C4orf33: variants seen among roughly 807,000 people sequenced by gnomAD.
The protein encoded by C4orf33 is UPF0462 protein C4orf33.
Under a neutral mutation model 24.3 loss-of-function variants are expected in C4orf33, and 20 were observed. That is an observed-to-expected ratio of 0.82 (90% CI 0.58 to 1.19). C4orf33 has a LOEUF of 1.19. Among genes scored for constraint, C4orf33 ranks in the 50% most tolerant of loss-of-function variants. The pLI is 0.00. For synonymous variants in C4orf33, 67 were observed against 76.4 expected (o/e 0.88, Z 0.64); for missense variants, 207 against 225.9 (o/e 0.92, Z 0.54).
intron 2 of C4orf33, among the ~76,000 whole-genome samples, chr4:129,106,259 C>T (rs1753513932): frequency 6.6e-6 from 1 of 152,000 alleles, no homozygotes; most frequent in Non-Finnish European, 1.5e-5. Context: ...TCCCAGTTGT[C>T]AGATTATTTT....
At chr4:129,098,486 T>G (rs1753263767) in intron 1 of C4orf33, among the ~76,000 whole-genome samples, 1 of 152,214 alleles carries the variant, frequency 6.6e-6, no homozygotes, top group Non-Finnish European at 1.5e-5. Context: ...TCCATGTTAG[T>G]TTTGCTATAT....
At chr4:129,098,177 C>T (rs1466898336) in intron 1 of C4orf33, among the ~76,000 whole-genome samples, 1 of 151,942 alleles carries the variant, frequency 6.6e-6, no homozygotes, top group African/African-American at 2.4e-5. Context: ...AAAAATTCAA[C>T]TTTTATTTTA....
intron 5 of C4orf33, chr4:129,110,032 A>G: frequency 9.6e-7 from 1 of 1,039,980 alleles, no homozygotes; most frequent in Non-Finnish European, 1.2e-6. Context: ...GGTGTGAACA[A>G]ACAGTCCCCT....
At chr4:129,107,089 A>G (rs1481678760) in intron 3 of C4orf33, among the ~76,000 whole-genome samples, 1 of 152,006 alleles carries the variant, frequency 6.6e-6, no homozygotes, top group Non-Finnish European at 1.5e-5. Flanking sequence ...AAATGACTAG[A>G]TGAAACTTTA....
intron 1 of C4orf33, among the ~76,000 whole-genome samples, chr4:129,098,841 T>A (rs1753274286): frequency 6.6e-6 from 1 of 152,058 alleles, no homozygotes; most frequent in Non-Finnish European, 1.5e-5. Context: ...TAAGGTAACT[T>A]CTAGGAGTTG....
rs1489123747 is a variant in C4orf33, at chr4:129,113,273, T to C, written c.*1482T>C. 1 of 152,216 alleles carries C rather than the reference T, an allele frequency of 6.6e-6. No individual in the cohort carries two copies. The highest frequency in any genetic ancestry group is 1.5e-5 in the Non-Finnish European group (1 of 68,026). The allele number at this position is 152,216 out of a possible 1,614,324, so 9.4% of individuals were successfully genotyped here. ...TGTTTAGATGTTTTTTAAACATCTC[T>C]TAACTTTCTTTCATCTAGATAAGGC... On this transcript the variant is annotated 3_prime_UTR_variant, in exon 6 of 6. Coordinates refer to ENST00000425929, the MANE Select transcript of C4orf33 (RefSeq NM_001099783.2).
chr4:129,098,723 A>G (rs1753270805), intron 1 of C4orf33, among the ~76,000 whole-genome samples: 1 of 152,240 alleles, frequency 6.6e-6, no homozygotes, highest in African/African-American at 2.4e-5. Context: ...AGCTGTATAC[A>G]TACAATTCCC....
chr4:129,110,300 C>T (rs1263038208), intron 5 of C4orf33, among the ~76,000 whole-genome samples: 1 of 152,138 alleles, frequency 6.6e-6, no homozygotes, highest in Non-Finnish European at 1.5e-5. Context: ...GGAGTTATTC[C>T]AAGAGATATT....
rs201363498 is a variant in C4orf33, at chr4:129,106,648, G to A, written c.242+1G>A. Reference sequence around the variant, plus strand: ...AATATTTAGAAGTTGAACTTTGTCCGTAAGTATAAAATGTTTTTTCTTACT... The same window carrying A: ...AATATTTAGAAGTTGAACTTTGTCCATAAGTATAAAATGTTTTTTCTTACT... On this transcript the variant is annotated splice_donor_variant, in intron 3 of 5. Transcript: ENST00000425929. LOFTEE classifies it high-confidence loss of function. 1.7e-5 allele frequency: 25 copies of A among 1,479,650 alleles called. No homozygotes were observed. Among genetic ancestry groups the A allele is most frequent in the Admixed American group, 7.6e-5 (4 of 52,788 alleles). The allele number at this position is 1,479,650 out of a possible 1,614,324, so 91.7% of individuals were successfully genotyped here. A position where few individuals can be genotyped will look rare whatever the true frequency, so the allele number is the denominator to read the frequency against.
intron 2 of C4orf33, among the ~76,000 whole-genome samples, chr4:129,104,616 A>G (rs1191795538): frequency 2.0e-5 from 3 of 152,146 alleles, no homozygotes; most frequent in Admixed American, 6.5e-5. Flanking sequence ...CTAATTGTGT[A>G]CCCTTGATTT....
Position 129,109,660 on chromosome 4 carries a change from A to C in C4orf33, c.482A>C (p.Gln161Pro). The C allele has an allele frequency of 6.2e-7, 1 of 1,612,842 alleles. No individual in the cohort carries two copies. Among genetic ancestry groups the C allele is most frequent in the Non-Finnish European group, 8.5e-7 (1 of 1,179,394 alleles). Reference protein sequence around the residue: ...PVPQHELQQGQKPDFHCLEYF... With the variant: ...PVPQHELQQGPKPDFHCLEYF... Reference sequence around the variant, plus strand: ...CCTCAGCATGAACTGCAGCAAGGACAAAAACCTGATTTGTAAGTAGAAAAT... The same window carrying C: ...CCTCAGCATGAACTGCAGCAAGGACCAAAACCTGATTTGTAAGTAGAAAAT... Residue 161 changes from glutamine (Q) to proline (P), a missense_variant, in exon 5 of 6, where the codon CAA becomes CCA. Gln to Pro is a moderately conservative substitution (Grantham distance 76). Coordinates refer to ENST00000425929, the MANE Select transcript of C4orf33 (RefSeq NM_001099783.2).
intron 2 of C4orf33, among the ~76,000 whole-genome samples, chr4:129,104,643 T>C (rs1753460437): frequency 6.6e-6 from 1 of 152,220 alleles, no homozygotes; most frequent in Non-Finnish European, 1.5e-5. Flanking sequence ...TTTCTTGCCC[T>C]AGAATGCTGT....
In C4orf33 at chr4:129,115,803, T is replaced by TATATATATATATATATATATATA. The variant is rs1439914784; in HGVS notation, c.*4013_*4035dup. The TATATATATATATATATATATATA allele has an allele frequency of 5.6e-4, 16 of 28,438 alleles. No homozygotes were observed. Among genetic ancestry groups the TATATATATATATATATATATATA allele is most frequent in the African/African-American group, 1.0e-3 (16 of 15,800 alleles). 1.8% of individuals were successfully genotyped at this position (28,438 alleles called of 1,614,324 possible). A position where few individuals can be genotyped will look rare whatever the true frequency, so the allele number is the denominator to read the frequency against. ...GTGCCTAACAAATCTTCTAACTAAA[T>TATATATATATATATATATATATA]ATATATATATATATATATATATATA... On this transcript the variant is annotated 3_prime_UTR_variant, in exon 6 of 6. Coordinates refer to ENST00000425929, the MANE Select transcript of C4orf33 (RefSeq NM_001099783.2).
intron 5 of C4orf33, chr4:129,109,992 G>A: frequency 1.8e-6 from 2 of 1,116,980 alleles, no homozygotes; most frequent in African/African-American, 3.3e-5. Flanking sequence ...TTCTTTCAGA[G>A]CTAAAGGGCC....
chr4:129,101,722 A>G (rs1382187501), intron 1 of C4orf33, among the ~76,000 whole-genome samples: 1 of 152,186 alleles, frequency 6.6e-6, no homozygotes, highest in Non-Finnish European at 1.5e-5. Flanking sequence ...GATTTTATCA[A>G]TGCATTACAA....
upstream of C4orf33, among the ~76,000 whole-genome samples, chr4:129,095,464 A>T (rs536291818): frequency 9.7e-4 from 148 of 152,354 alleles, 1 homozygote; most frequent in Middle Eastern, 6.8e-3. Flanking sequence ...TATTAGTATA[A>T]ATTGAATACA....
upstream of C4orf33, chr4:129,096,050 C>T (rs1050146477): frequency 6.6e-6 from 1 of 152,080 alleles, no homozygotes; most frequent in Non-Finnish European, 1.5e-5. Context: ...CATGTGTGGC[C>T]CTTCAACATC....
At position 129,111,910 on chromosome 4, in the gene C4orf33, A is replaced by C. The variant is rs1753701602; in HGVS notation, c.*119A>C. On this transcript the variant is annotated 3_prime_UTR_variant, in exon 6 of 6. Coordinates refer to ENST00000425929, the MANE Select transcript of C4orf33 (RefSeq NM_001099783.2). ...TTTCAACAACAAATATCTTCATAGA[A>C]GTCACTGAAAATATAGTATCTGTGG... 5.2e-6 allele frequency: 3 copies of C among 573,056 alleles called. No individual in the cohort carries two copies. Among genetic ancestry groups the C allele is most frequent in the South Asian group, 5.4e-5 (2 of 37,126 alleles). The allele number at this position is 573,056 out of a possible 1,614,324, so 35.5% of individuals were successfully genotyped here. A position where few individuals can be genotyped will look rare whatever the true frequency, so the allele number is the denominator to read the frequency against.
chr4:129,106,959 C>T (rs1167299645), intron 3 of C4orf33, among the ~76,000 whole-genome samples: 1 of 151,740 alleles, frequency 6.6e-6, no homozygotes, highest in Non-Finnish European at 1.5e-5. Flanking sequence ...AAAACAAAAA[C>T]TCTCATTATT....
Sources: gnomAD v4.1 joint callset for allele counts (sites outside exome capture counted in the v4.1 genomes callset) on GRCh38, gnomAD v4.1.1 for gene constraint, MANE v1.5 for transcripts, NCBI Gene and HGNC (gene_info 2026-07-23, HGNC 2026-07-21) for gene names.